The following INPP5D variants were observed in gnomAD, a reference collection of about 807,000 sequenced individuals.
INPP5D encodes the protein inositol polyphosphate-5-phosphatase D.
INPP5D carries 33 observed loss-of-function variants against 122.9 expected under a neutral mutation model. The observed-to-expected ratio is 0.27, with a 90% CI of 0.20 to 0.36. The LOEUF is 0.36. Ranked by LOEUF, INPP5D falls within the 10% of genes least tolerant of loss-of-function variation. The pLI is 1.00. For missense variants in INPP5D, 1,053 were observed against 1,412.7 expected (o/e 0.75, Z 4.08); for synonymous variants, 584 against 576.2 (o/e 1.01, Z -0.19).
At chr2:233,108,794 T>C (rs1215618277) in intron 2 of INPP5D, among the ~76,000 whole-genome samples, 2 of 152,190 alleles carry the variant, frequency 1.3e-5, no homozygotes, top group Non-Finnish European at 2.9e-5. Context: ...GGTCCTAATG[T>C]GCAGGTGTCT....
In INPP5D at chr2:233,188,906, C is replaced by T. The variant is rs771854763; in HGVS notation, c.2359-944C>T. ...GATATAGTGAGTCTGCCCTGTTGGC[C>T]AACATGGTGCCCAGAGCCCTGTACC... On this transcript the variant is annotated intron_variant, in intron 21 of 26. Transcript: ENST00000445964. The surrounding 1 kb of genome is among the most constrained non-coding windows in gnomAD (Gnocchi z 4.7). Among the ~76,000 whole-genome samples the T allele has an allele frequency of 4.6e-5, 7 of 152,098 alleles. No homozygotes were observed. The highest frequency in any genetic ancestry group is 8.8e-5 in the Non-Finnish European group (6 of 68,014).
intron 1 of INPP5D, among the ~76,000 whole-genome samples, chr2:233,063,439 G>C (rs1267976943): frequency 6.6e-6 from 1 of 152,232 alleles, no homozygotes; most frequent in Non-Finnish European, 1.5e-5. Context: ...CTCAGGAACT[G>C]AGAGCAGCCT....
chr2:233,094,094 CT>C (rs1184439944), intron 2 of INPP5D, among the ~76,000 whole-genome samples: 23 of 149,174 alleles, frequency 1.5e-4, no homozygotes, highest in African/African-American at 5.7e-4. Flanking sequence ...AATACACCCC[CT>C]CCCCCCCCAA....
At chr2:233,098,461 C>G (rs189166847) in intron 2 of INPP5D, among the ~76,000 whole-genome samples, 1 of 152,274 alleles carries the variant, frequency 6.6e-6, no homozygotes, top group African/African-American at 2.4e-5. Flanking sequence ...AACTCTCAGG[C>G]CACAACCTGT....
At chr2:233,136,547 A>G (rs545637183) in intron 5 of INPP5D, among the ~76,000 whole-genome samples, 2 of 152,214 alleles carry the variant, frequency 1.3e-5, no homozygotes, top group East Asian at 3.9e-4. Context: ...TCTCTTGAAG[A>G]CATTATGGGT....
At position 233,204,527 on chromosome 2, in the gene INPP5D, G is replaced by C; in HGVS notation, c.3377G>C (p.Arg1126Thr). The change falls in exon 26 of 27, where the codon AGA becomes ACA. Residue 1126 changes from arginine (R) to threonine (T), a missense_variant. By Grantham distance (71) the Arg-to-Thr change is moderately conservative (BLOSUM62 -1). Around this residue, in one of 6 missense-constraint regions of INPP5D, gnomAD observed 417 missense variants for 425.8 expected, o/e 0.98. Transcript: ENST00000445964. ...GCCAAGAGGCCCATCAAGCCTTCCA[G>C]ATCGGAAATCAACCAGCAGACCCCG... ...VPAKRPIKPS[R>T]SEINQQTPPT... is the part of the protein sequence containing the mutation. 3 of 1,580,480 alleles carry C rather than the reference G, an allele frequency of 1.9e-6. No homozygotes were observed. Among genetic ancestry groups the C allele is most frequent in the Non-Finnish European group, 2.6e-6 (3 of 1,164,796 alleles).
intron 5 of INPP5D, among the ~76,000 whole-genome samples, chr2:233,138,970 G>A (rs1693573941): frequency 6.6e-6 from 1 of 150,984 alleles, no homozygotes; most frequent in Admixed American, 6.6e-5. Context: ...TAGCCAGGAT[G>A]GTCTCGACCT....
chr2:233,089,468 C>T (rs1241674550), intron 2 of INPP5D, among the ~76,000 whole-genome samples: 5 of 152,168 alleles, frequency 3.3e-5, no homozygotes, highest in African/African-American at 1.2e-4. Flanking sequence ...GCCCTGCAGC[C>T]TGGGGCGCTG....
At chr2:233,093,280 A>G (rs372830896) in intron 2 of INPP5D, among the ~76,000 whole-genome samples, 6 of 152,240 alleles carry the variant, frequency 3.9e-5, no homozygotes, top group East Asian at 3.8e-4. Flanking sequence ...ATCCCCTGAC[A>G]TGGAAATAAG....
chr2:233,204,750 T>TTGTGTG, intron 26 of INPP5D, 33 bp downstream of exon 26: 1 of 1,443,482 alleles, frequency 6.9e-7, no homozygotes, highest in Non-Finnish European at 9.1e-7. Context: ...TCGTGTGCAT[T>TTGTGTG]TGTGTGTGTG....
At chr2:233,118,243 C>T (rs572828270) in intron 2 of INPP5D, among the ~76,000 whole-genome samples, 89 of 152,274 alleles carry the variant, frequency 5.8e-4, no homozygotes, top group African/African-American at 1.8e-3. Context: ...CTCCCCCTAC[C>T]GGCCACTCTG....
intron 21 of INPP5D, among the ~76,000 whole-genome samples, chr2:233,187,434 C>T (rs978151063): frequency 1.3e-5 from 2 of 152,102 alleles, no homozygotes; most frequent in Non-Finnish European, 2.9e-5. Flanking sequence ...AGGTGACACT[C>T]GAGGTGAATT....
chr2:233,082,840 C>T lies in INPP5D; in HGVS notation c.198+3442C>T, dbSNP rs979021473. ...TGAGAACTGCGGAAGTTGGAACTCA[C>T]AGCCAGGCCTCCCGGCCTCCCCGGC... On this transcript the variant is annotated intron_variant, in intron 2 of 26. Coordinates refer to ENST00000445964, the MANE Select transcript of INPP5D (RefSeq NM_001017915.3). The surrounding 1 kb of genome is among the most constrained non-coding windows in gnomAD (Gnocchi z 4.7). Among the ~76,000 whole-genome samples the T allele has an allele frequency of 2.0e-5, 3 of 152,354 alleles. 1 individual carries two copies.
In INPP5D at chr2:233,144,692, A is replaced by AGAT. The variant is rs1693711200; in HGVS notation, c.754-1469_754-1468insATG. 5.2e-4 allele frequency among the ~76,000 whole-genome samples: 59 copies of AGAT among 113,560 alleles called. 1 individual carries two copies. Among genetic ancestry groups the AGAT allele is most frequent in the East Asian group, 4.8e-4 (2 of 4,186 alleles). The allele number at this position is 113,560 out of a possible 152,430, so 74.5% of individuals were successfully genotyped here. On this transcript the variant is annotated intron_variant, in intron 6 of 26. Coordinates refer to ENST00000445964, the MANE Select transcript of INPP5D (RefSeq NM_001017915.3). ...GTGGTGATGGTGATGGTGAGGGTGG[A>AGAT]GGTGGTAGTAGTGATGGTGATGGTG...
intron 9 of INPP5D, among the ~76,000 whole-genome samples, chr2:233,151,091 T>G (rs149754149): frequency 0.52 from 78,666 of 151,790 alleles, 20,987 homozygotes; most frequent in East Asian, 0.67. Flanking sequence ...GCTGAGAAGT[T>G]GGTATTCTCC....
chr2:233,084,301 C>G (rs550136550), intron 2 of INPP5D, among the ~76,000 whole-genome samples: 1 of 152,230 alleles, frequency 6.6e-6, no homozygotes, highest in African/African-American at 2.4e-5. Flanking sequence ...GTGATCCACC[C>G]GCCTCAGCCT....
At chr2:233,154,236 C>T (rs1164699332) in intron 9 of INPP5D, among the ~76,000 whole-genome samples, 1 of 152,234 alleles carries the variant, frequency 6.6e-6, no homozygotes, top group Non-Finnish European at 1.5e-5. Context: ...GCAACCTCCA[C>T]CTCCTGGGTT....
intron 13 of INPP5D, among the ~76,000 whole-genome samples, chr2:233,167,306 G>A (rs1694368638): frequency 6.6e-6 from 1 of 151,982 alleles, no homozygotes; most frequent in African/African-American, 2.4e-5. Flanking sequence ...GGGAGGTCAA[G>A]GCTACAGAAA....
chr2:233,118,206 A>G (rs1692858650), intron 2 of INPP5D, among the ~76,000 whole-genome samples: 1 of 152,160 alleles, frequency 6.6e-6, no homozygotes, highest in African/African-American at 2.4e-5. Context: ...GGTCACACCC[A>G]GGCACGGTTG....
Sources: gnomAD v4.1 joint callset for allele counts (sites outside exome capture counted in the v4.1 genomes callset) on GRCh38, gnomAD v4.1.1 for gene constraint, gnomAD v4.1.1 regional missense constraint, Gnocchi (gnomAD v3.1) non-coding constraint, MANE v1.5 for transcripts, NCBI Gene and HGNC (gene_info 2026-07-23, HGNC 2026-07-21) for gene names.